The following TLN2 variants were observed in gnomAD, a reference collection of about 807,000 sequenced individuals.
TLN2 encodes talin 2, also known as talin-2.
In TLN2, 118 loss-of-function variants were observed where a neutral mutation model predicts 294.7. The ratio of observed to expected loss-of-function variants is 0.40; its 90% CI spans 0.34 to 0.47. The LOEUF is 0.47. TLN2 is among the 20% of genes least tolerant of loss of function. The pLI is 0.84. For missense variants in TLN2, 3,083 were observed against 3,282.2 expected (o/e 0.94, Z 1.48); for synonymous variants, 1,431 against 1,304.5 (o/e 1.10, Z -2.09).
chr15:62,463,315 T>C (rs1303004198), intron 1 of TLN2, among the ~76,000 whole-genome samples: 1 of 152,184 alleles, frequency 6.6e-6, no homozygotes, highest in Non-Finnish European at 1.5e-5. Flanking sequence ...ACTGCAGTTC[T>C]GTGTTTTGGA....
rs199757036 is a variant in TLN2, at chr15:62,793,749, A to G, written c.5883+962A>G. Among the ~76,000 whole-genome samples the G allele has an allele frequency of 3.3e-5, 5 of 151,812 alleles. No homozygotes were observed. In the East Asian group the frequency reaches 9.8e-4, roughly 30 times the overall value. The stretch of plus-strand genomic sequence containing the variant: ...CTGTTTTGCAGGCTGCTTGAGGTAC[A>G]GGATAAAGCATCCAGGCTTGGTGGC... On this transcript the variant is annotated intron_variant, in intron 46 of 58. Transcript: ENST00000636159.
chr15:62,668,549 G>T (rs963948840), intron 9 of TLN2, among the ~76,000 whole-genome samples: 1 of 152,078 alleles, frequency 6.6e-6, no homozygotes, highest in Non-Finnish European at 1.5e-5. Flanking sequence ...TATTCCACAG[G>T]GTCTGAAATA....
intron 51 of TLN2, among the ~76,000 whole-genome samples, chr15:62,806,874 A>G (rs976366089): frequency 4.6e-5 from 7 of 152,024 alleles, no homozygotes; most frequent in African/African-American, 1.7e-4. Context: ...TCTTTGTGGT[A>G]AAGTGAGTTC....
intron 1 of TLN2, among the ~76,000 whole-genome samples, chr15:62,541,076 C>T (rs567750624): frequency 1.2e-4 from 19 of 152,188 alleles, no homozygotes; most frequent in Middle Eastern, 3.4e-3. Flanking sequence ...CTTAAATTTT[C>T]GCACGGGGCT....
At chr15:62,480,774 T>A (rs999636200) in intron 1 of TLN2, among the ~76,000 whole-genome samples, 39 of 152,310 alleles carry the variant, frequency 2.6e-4, no homozygotes, top group African/African-American at 9.1e-4. Context: ...TTTCTTTTTT[T>A]GAAGAAGTCA....
chr15:62,713,864 A>G (rs2059586214), intron 22 of TLN2, among the ~76,000 whole-genome samples: 1 of 146,584 alleles, frequency 6.8e-6, no homozygotes, highest in Non-Finnish European at 1.5e-5. Context: ...TGTTTCAGCC[A>G]ATAAGCTCTG....
chr15:62,668,119 G>A (rs1234500058), intron 9 of TLN2, among the ~76,000 whole-genome samples: 1 of 152,104 alleles, frequency 6.6e-6, no homozygotes, highest in East Asian at 1.9e-4. Context: ...AAGTCTAGAG[G>A]CCTAATGTTC....
chr15:62,724,141 C>G (rs962814220), intron 26 of TLN2, among the ~76,000 whole-genome samples: 2 of 152,162 alleles, frequency 1.3e-5, no homozygotes, highest in Non-Finnish European at 2.9e-5. Context: ...GAGTGAGACT[C>G]TGTCTCCCAA....
intron 1 of TLN2, among the ~76,000 whole-genome samples, chr15:62,399,447 A>G (rs140157224): frequency 1.4e-4 from 21 of 152,174 alleles, no homozygotes; most frequent in Admixed American, 1.3e-3. Context: ...GAGGGCCACC[A>G]TCCTCACACC....
chr15:62,519,793 A>G (rs559750359), intron 1 of TLN2, among the ~76,000 whole-genome samples: 1 of 152,362 alleles, frequency 6.6e-6, no homozygotes, highest in African/African-American at 2.4e-5. Flanking sequence ...TGCATATGAA[A>G]TTGAAGTTGT....
At chr15:62,588,011 G>A (rs2045758575) in intron 1 of TLN2, among the ~76,000 whole-genome samples, 2 of 151,934 alleles carry the variant, frequency 1.3e-5, no homozygotes, top group South Asian at 4.2e-4. Flanking sequence ...CCCCACAGTA[G>A]CTGGGACTAC....
chr15:62,707,840 G>T (rs2059164669), intron 20 of TLN2, among the ~76,000 whole-genome samples: 1 of 152,032 alleles, frequency 6.6e-6, no homozygotes. Flanking sequence ...AAGTCCATCT[G>T]CCTCCAAATA....
At chr15:62,623,542 T>C (rs2049014571) in intron 3 of TLN2, among the ~76,000 whole-genome samples, 2 of 152,232 alleles carry the variant, frequency 1.3e-5, no homozygotes, top group African/African-American at 4.8e-5. Context: ...GGAATGAGAA[T>C]GCATCGTACC....
intron 52 of TLN2, among the ~76,000 whole-genome samples, chr15:62,810,758 G>GT (rs928210733): frequency 2.2e-4 from 33 of 152,312 alleles, no homozygotes; most frequent in African/African-American, 7.9e-4. Context: ...CAGGAGCCAT[G>GT]TTTAGAACCA....
At chr15:62,701,019 T>C in intron 16 of TLN2, 87 bp from the exon 17 acceptor site, 1 of 1,176,902 alleles carries the variant, frequency 8.5e-7, no homozygotes, top group Non-Finnish European at 1.3e-6. Flanking sequence ...GTAGCCAAAA[T>C]GCTGGTGTGA....
intron 1 of TLN2, among the ~76,000 whole-genome samples, chr15:62,464,641 A>G (rs2037009258): frequency 6.6e-6 from 1 of 152,008 alleles, no homozygotes; most frequent in African/African-American, 2.4e-5. Flanking sequence ...TCTTCAGTCT[A>G]CTAGGGTACC....
chr15:62,836,218 GCGTCCATGCATC>G lies in TLN2; in HGVS notation c.7374+147_7374+158del. On this transcript the variant is annotated intron_variant, in intron 57 of 58. Transcript: ENST00000636159. ...CACGTTCCAGCCTCATCTACTGCGT[GCGTCCATGCATC>G]CTCCACTGCTGCCCCACCACGCTGC... is the stretch of plus-strand genomic sequence containing the variant. The G allele has an allele frequency of 2.7e-6, 3 of 1,126,124 alleles. No homozygotes were observed. The South Asian group carries it at 4.4e-5, about 17-fold the overall frequency. The allele number at this position is 1,126,124 out of a possible 1,614,324, so 69.8% of individuals were successfully genotyped here.
At chr15:62,626,868 T>G (rs1413020321) in intron 3 of TLN2, among the ~76,000 whole-genome samples, 1 of 152,190 alleles carries the variant, frequency 6.6e-6, no homozygotes, top group Non-Finnish European at 1.5e-5. Flanking sequence ...TAAATTGTGT[T>G]TGCTGGATGG....
chr15:62,578,688 T>G (rs749081611), intron 1 of TLN2, among the ~76,000 whole-genome samples: 1 of 152,192 alleles, frequency 6.6e-6, no homozygotes, highest in African/African-American at 2.4e-5. Context: ...GGTAGAGAGC[T>G]GAGAGGCCGC....
Sources: allele counts gnomAD v4.1 joint callset (sites outside exome capture counted in the v4.1 genomes callset), GRCh38; gene constraint gnomAD v4.1.1; transcripts MANE v1.5; gene names NCBI Gene and HGNC (gene_info 2026-07-23, HGNC 2026-07-21).